ACACB: variants seen among roughly 807,000 people sequenced by gnomAD.
ACACB encodes acetyl-CoA carboxylase 2.
A neutral mutation model predicts 278.8 loss-of-function variants in ACACB; 209 were observed. The ratio of observed to expected loss-of-function variants is 0.75; its 90% CI spans 0.67 to 0.84. ACACB has a LOEUF of 0.84. ACACB is among the 40% of genes least tolerant of loss of function. The pLI is 0.00. For synonymous variants in ACACB, 1,174 were observed against 1,285.6 expected, an observed-to-expected ratio of 0.91 and a Z score of 1.86; for missense variants, 2,850 against 3,269.0, an observed-to-expected ratio of 0.87 and a Z score of 3.13.
At chr12:109,248,953 G>A (rs779321557) in intron 40 of ACACB, 7 of 152,170 alleles carry the variant, frequency 4.6e-5, no homozygotes, top group Non-Finnish European at 8.8e-5. Context: ...TCTGTAGACC[G>A]TTGGAGGAAT....
rs2043084122 is a variant in ACACB, at chr12:109,140,288, TTCCTTCC to T, written c.653+232_653+238del. On this transcript the variant is annotated intron_variant, in intron 2 of 52. Coordinates refer to ENST00000338432, the MANE Select transcript of ACACB (RefSeq NM_001093.4). ...CTTCCTTCTTTCCTTCCTTCCTTCCTTCCTTCCTTCCTTCCTTCCTTCCTTCCTTCCT... is the reference window on the plus strand; with the variant it reads ...CTTCCTTCTTTCCTTCCTTCCTTCCTTTCCTTCCTTCCTTCCTTCCTTCCT... Among the ~76,000 whole-genome samples, 4 of 98,204 alleles carry T rather than the reference TTCCTTCC, an allele frequency of 4.1e-5. No homozygotes were observed. In the East Asian group the frequency reaches 1.1e-3, roughly 27 times the overall value. The allele number at this position is 98,204 out of a possible 152,430, so 64.4% of individuals were successfully genotyped here.
In ACACB at chr12:109,216,679, T is replaced by C; in HGVS notation, c.3412T>C (p.Leu1138=). Reference sequence around the variant, plus strand: ...GGTGTTGGATCTCCTGAGAAGATACTTGCGTGTTGAGCACCATTTTCAGCA... The same window carrying C: ...GGTGTTGGATCTCCTGAGAAGATACCTGCGTGTTGAGCACCATTTTCAGCA... The part of the protein sequence containing the change: ...TVVLDLLRRY[L]RVEHHFQQAH... Residue 1138 remains leucine, a synonymous_variant, in exon 23 of 53, where the codon TTG becomes CTG. Coordinates refer to ENST00000338432, the MANE Select transcript of ACACB (RefSeq NM_001093.4). 6.2e-7 allele frequency: 1 copy of C among 1,614,222 alleles called. No individual in the cohort carries two copies. The highest frequency in any genetic ancestry group is 8.5e-7 in the Non-Finnish European group (1 of 1,180,028).
Position 109,262,417 on chromosome 12 carries a change from A to G in ACACB, c.6735A>G (p.Ile2245Met), listed in dbSNP as rs771163687. Residue 2245 changes from isoleucine to methionine, a missense_variant, in exon 49 of 53, where the codon ATA (isoleucine) becomes ATG (methionine). By Grantham distance (10) the Ile-to-Met change is conservative. This residue lies in a region of ACACB where 579 missense variants were observed against 684.6 expected (regional missense o/e 0.85). Transcript: ENST00000338432. ...TTAAGTTCCGAAAGAAAGATCTGAT[A>G]AAGTCCATGAGAAGGATCGATCCAG... ...VEIKFRKKDLIKSMRRIDPAY... is the reference protein window; with the variant it reads ...VEIKFRKKDLMKSMRRIDPAY... The G allele has an allele frequency of 6.2e-7, 1 of 1,613,894 alleles. No individual in the cohort carries two copies. The highest frequency in any genetic ancestry group is 8.5e-7 in the Non-Finnish European group (1 of 1,179,930).
chr12:109,210,442 CATGTGTATATATGTATATATACGCACAT>C (rs2045787041), intron 21 of ACACB, among the ~76,000 whole-genome samples: 18 of 119,434 alleles, frequency 1.5e-4, no homozygotes, highest in South Asian at 5.2e-4. Flanking sequence ...CACGCACATA[CATGTGTATATATGTATATATACGCACAT>C]ACATGTGTAT....
At position 109,246,453 on chromosome 12, in the gene ACACB, G is replaced by T; in HGVS notation, c.5571+5G>T. On this transcript the variant is annotated splice_donor_5th_base_variant and intron_variant, in intron 39 of 52. Coordinates refer to ENST00000338432, the MANE Select transcript of ACACB (RefSeq NM_001093.4). ...GACCCAGAAGACCCCCACAAAGTAC[G>T]TCGTGAAACTGGCGGGGCAGGGTGA... 2 of 1,606,646 alleles carry T rather than the reference G, an allele frequency of 1.2e-6. No homozygotes were observed. Among genetic ancestry groups the T allele is most frequent in the Non-Finnish European group, 8.5e-7 (1 of 1,173,974 alleles).
chr12:109,132,098 T>C (rs1047279792), intron 1 of ACACB, among the ~76,000 whole-genome samples: 43 of 152,030 alleles, frequency 2.8e-4, no homozygotes, highest in Admixed American at 2.8e-3. Context: ...AAGTTACTGA[T>C]CCACAGTTTA....
At chr12:109,228,951 C>T (rs1021731778) in intron 28 of ACACB, among the ~76,000 whole-genome samples, 6 of 152,118 alleles carry the variant, frequency 3.9e-5, no homozygotes, top group Non-Finnish European at 7.3e-5. Flanking sequence ...AGTGCTCCCA[C>T]ACTCTTTTAT....
At position 109,219,062 on chromosome 12, in the gene ACACB, C is replaced by T. The variant is rs142320065; in HGVS notation, c.3564+2142C>T. Among the ~76,000 whole-genome samples the T allele has an allele frequency of 5.4e-3, 822 of 152,228 alleles. 6 individuals carry two copies. Among genetic ancestry groups the T allele is most frequent in the African/African-American group, 0.018 (759 of 41,520 alleles). ...GATTATAGACATGAGCCACCACGCC[C>T]GGCCTGGCAACTTTTTTTTGTAAAG... On this transcript the variant is annotated intron_variant, in intron 24 of 52. Transcript: ENST00000338432.
intron 2 of ACACB, among the ~76,000 whole-genome samples, chr12:109,166,658 A>AAAAAAC (rs2043908377): frequency 1.4e-5 from 2 of 139,712 alleles, no homozygotes; most frequent in African/African-American, 5.2e-5. Flanking sequence ...TCAAAAAAAA[A>AAAAAAC]AAAAAAAAAA....
At chr12:109,210,207 GTATATA>G (rs1403753143) in intron 21 of ACACB, among the ~76,000 whole-genome samples, 1 of 42,938 alleles carries the variant, frequency 2.3e-5, no homozygotes, top group African/African-American at 1.0e-4. Context: ...ATGTATATAT[GTATATA>G]TACACACATG....
At position 109,246,280 on chromosome 12, in the gene ACACB, C is replaced by T. The variant is rs1172005414; in HGVS notation, c.5403C>T (p.Ser1801=). 6.2e-7 allele frequency: 1 copy of T among 1,613,026 alleles called. No homozygotes were observed. The highest frequency in any genetic ancestry group is 1.3e-5 in the African/African-American group (1 of 74,560). Residue 1801 remains serine (S), a synonymous_variant, in exon 39 of 53, where the codon TCC becomes TCT. Coordinates refer to ENST00000338432, the MANE Select transcript of ACACB (RefSeq NM_001093.4). ...ATGACATCACCTTTCGCATTGGATC[C>T]TTTGGCCCTGGAGAGGACCTTCTGT... ...IGNDITFRIG[S]FGPGEDLLYL...
chr12:109,259,653 G>A (rs1336236154), intron 47 of ACACB, among the ~76,000 whole-genome samples: 5 of 152,180 alleles, frequency 3.3e-5, no homozygotes, highest in African/African-American at 1.2e-4. Context: ...ACCATGAGGT[G>A]CAGGTCAGGG....
chr12:109,245,688 A>G lies in ACACB; in HGVS notation c.5241A>G (p.Glu1747=). The change falls in exon 38 of 53, where the codon GAA becomes GAG. Residue 1747 remains glutamate (E), a synonymous_variant. Coordinates refer to ENST00000338432, the MANE Select transcript of ACACB (RefSeq NM_001093.4). ...CCAAAGACATCCTGACATACACTGA[A>G]TTAGTGTTGGACTCTCAGGGCCAGC... is the stretch of plus-strand genomic sequence containing the variant. The part of the protein sequence containing the change: ...KYPKDILTYT[E]LVLDSQGQLV... 6.2e-7 allele frequency: 1 copy of G among 1,614,140 alleles called. No homozygotes were observed. The highest frequency in any genetic ancestry group is 2.2e-5 in the East Asian group (1 of 44,884).
chr12:109,137,888 C>CTTTTCT lies in ACACB; in HGVS notation c.-9-1498_-9-1493dup, dbSNP rs2043006742. Among the ~76,000 whole-genome samples, 8 of 144,328 alleles carry CTTTTCT rather than the reference C, an allele frequency of 5.5e-5. No individual in the cohort carries two copies. In the South Asian group the frequency reaches 1.8e-3, roughly 33 times the overall value. The allele number at this position is 144,328 out of a possible 152,430, so 94.7% of individuals were successfully genotyped here. ...TTCAACCTCTGCCTCCTGGGCTTTT[C>CTTTTCT]TTTTCTTTTTCTTTTTTTTTTTGTT... is the stretch of plus-strand genomic sequence containing the variant. On this transcript the variant is annotated intron_variant, in intron 1 of 52. Transcript: ENST00000338432.
At chr12:109,201,936 G>A (rs1477291718) in intron 19 of ACACB, among the ~76,000 whole-genome samples, 2 of 152,108 alleles carry the variant, frequency 1.3e-5, no homozygotes, top group Non-Finnish European at 2.9e-5. Context: ...CCCAATTTCT[G>A]CCAGTGACCT....
chr12:109,175,895 A>G (rs1414724979), intron 7 of ACACB, 36 bp from the exon 8 acceptor site: 1 of 1,588,098 alleles, frequency 6.3e-7, no homozygotes, highest in South Asian at 1.1e-5. Flanking sequence ...TTTCTCCTGG[A>G]TTTGGGAGGA....
At chr12:109,228,094 T>G (rs2046366194) in intron 28 of ACACB, among the ~76,000 whole-genome samples, 1 of 147,246 alleles carries the variant, frequency 6.8e-6, no homozygotes, top group Non-Finnish European at 1.5e-5. Context: ...TCTCAGCACT[T>G]TGGGAGGCTG....
At chr12:109,182,132 C>T (rs755665050) in intron 11 of ACACB, among the ~76,000 whole-genome samples, 8 of 152,032 alleles carry the variant, frequency 5.3e-5, no homozygotes, top group Non-Finnish European at 7.4e-5. Flanking sequence ...CTTGAGCCAC[C>T]GCGCCCAGCT....
chr12:109,122,171 A>G (rs958333908), intron 1 of ACACB, among the ~76,000 whole-genome samples: 10 of 152,196 alleles, frequency 6.6e-5, no homozygotes, highest in African/African-American at 9.7e-5. Flanking sequence ...CAATCATTGA[A>G]AAGGTGAAAT....
Sources: allele counts gnomAD v4.1 joint callset (sites outside exome capture counted in the v4.1 genomes callset), GRCh38; gene constraint gnomAD v4.1.1; regional missense constraint gnomAD v4.1.1; transcripts MANE v1.5; gene names NCBI Gene and HGNC (gene_info 2026-07-23, HGNC 2026-07-21).